DYNC2I1: variants seen among roughly 807,000 people sequenced by gnomAD.
DYNC2I1 encodes the protein dynein 2 intermediate chain 1.
A neutral mutation model predicts 133.4 loss-of-function variants in DYNC2I1; 89 were observed. That is an observed-to-expected ratio of 0.67 (90% CI 0.56 to 0.80). The LOEUF (loss-of-function observed/expected upper bound fraction) is 0.80. Ranked by LOEUF, DYNC2I1 falls within the 30% of genes least tolerant of loss-of-function variation. DYNC2I1 has a pLI of 0.00. For missense variants in DYNC2I1, 1,291 were observed against 1,314.5 expected, an observed-to-expected ratio of 0.98 and a Z score of 0.28; for synonymous variants, 504 against 484.3, an observed-to-expected ratio of 1.04 and a Z score of -0.54.
intron 6 of DYNC2I1, among the ~76,000 whole-genome samples, chr7:158,886,480 C>T (rs1275011075): frequency 1.3e-5 from 2 of 152,226 alleles, no homozygotes; most frequent in African/African-American, 4.8e-5. Context: ...TTTGTTAAAA[C>T]ACATAATTTC....
At chr7:158,937,673 C>A (rs1027485750) in intron 23 of DYNC2I1, among the ~76,000 whole-genome samples, 13 of 147,704 alleles carry the variant, frequency 8.8e-5, no homozygotes, top group Non-Finnish European at 1.5e-4. Flanking sequence ...GCCTGTAATC[C>A]CAGCATTTGG....
intron 7 of DYNC2I1, among the ~76,000 whole-genome samples, chr7:158,890,433 G>A (rs895465521): frequency 3.9e-5 from 6 of 152,038 alleles, no homozygotes; most frequent in African/African-American, 1.4e-4. Context: ...TTTTACAGCA[G>A]CAACACTGAA....
At chr7:158,844,775 C>G in the DYNC2I1 span, among the ~76,000 whole-genome samples, 1 of 152,128 alleles carries the variant, frequency 6.6e-6, no homozygotes, top group Non-Finnish European at 1.5e-5. Flanking sequence ...GCATGCACCA[C>G]CACACCCAGC....
Position 158,914,303 on chromosome 7 carries a change from T to C in DYNC2I1, c.1773T>C (p.Phe591=). ...PKIDTPRLCS[F]LRAACQVMAV... is the part of the protein sequence containing the mutation. ...TTGATACTCCAAGGTTATGTAGCTT[T>C]CTGCGGGCTGCTTGTCAGGTATACT... Residue 591 remains phenylalanine (F), a synonymous_variant, in exon 14 of 25, where the codon TTT becomes TTC. Coordinates refer to ENST00000407559, the MANE Select transcript of DYNC2I1 (RefSeq NM_018051.5). The C allele has an allele frequency of 6.2e-7, 1 of 1,612,082 alleles. No homozygotes were observed. The highest frequency in any genetic ancestry group is 8.5e-7 in the Non-Finnish European group (1 of 1,178,992).
intron 23 of DYNC2I1, 68 bp downstream of exon 23, chr7:158,934,617 G>T: frequency 6.8e-7 from 1 of 1,474,360 alleles, no homozygotes; most frequent in Non-Finnish European, 9.1e-7. Flanking sequence ...GTCTTGCTCT[G>T]TCACCCAAGC....
chr7:158,907,615 G>A (rs530810541), intron 11 of DYNC2I1, among the ~76,000 whole-genome samples: 5 of 140,740 alleles, frequency 3.6e-5, no homozygotes, highest in Non-Finnish European at 6.1e-5. Flanking sequence ...TTTCTTTTAC[G>A]TCTTCTGCTT....
downstream of DYNC2I1, among the ~76,000 whole-genome samples, chr7:158,949,958 A>G (rs1852005997): frequency 6.6e-6 from 1 of 151,790 alleles, no homozygotes; most frequent in African/African-American, 2.4e-5. Flanking sequence ...TTTAGTAGAG[A>G]TGGGGTTTCT....
intron 17 of DYNC2I1, among the ~76,000 whole-genome samples, chr7:158,924,008 T>G (rs1358457080): frequency 6.6e-6 from 1 of 152,236 alleles, no homozygotes; most frequent in African/African-American, 2.4e-5. Context: ...TTAAAGTAGC[T>G]TGAGGCATCT....
chr7:158,919,825 T>C (rs1194396903), intron 15 of DYNC2I1, among the ~76,000 whole-genome samples: 1 of 152,222 alleles, frequency 6.6e-6, no homozygotes, highest in Non-Finnish European at 1.5e-5. Flanking sequence ...ATTCAACACA[T>C]TGGCATCCAC....
At chr7:158,926,551 C>T (rs1002972209) in intron 19 of DYNC2I1, 88 bp downstream of exon 19, 3 of 1,416,546 alleles carry the variant, frequency 2.1e-6, no homozygotes, top group Non-Finnish European at 9.8e-7. Context: ...GGGGGCGGGA[C>T]CCAGTTAGCT....
chr7:158,879,453 A>G (rs1164957000), intron 4 of DYNC2I1, among the ~76,000 whole-genome samples: 1 of 152,166 alleles, frequency 6.6e-6, no homozygotes, highest in African/African-American at 2.4e-5. Flanking sequence ...AATCGTCTCT[A>G]TATTACTTAA....
Position 158,914,250 on chromosome 7 carries a change from A to G in DYNC2I1, c.1720A>G (p.Thr574Ala), listed in dbSNP as rs758163316. 2 of 1,611,552 alleles carry G rather than the reference A, an allele frequency of 1.2e-6. No individual in the cohort carries two copies. The highest frequency in any genetic ancestry group is 8.5e-7 in the Non-Finnish European group (1 of 1,178,864). ...TTTTTTAGGCAGTGAACAAAGAGAT[A>G]CCTCTGATGCTGTAGTTATGCCAAA... ...VVSGGSEQRD[T>A]SDAVVMPKID... Residue 574 changes from threonine to alanine, a missense_variant, in exon 14 of 25, where the codon ACC becomes GCC. By Grantham distance (58) the Thr-to-Ala change is moderately conservative. Coordinates refer to ENST00000407559, the MANE Select transcript of DYNC2I1 (RefSeq NM_018051.5).
At chr7:158,855,559 C>T (rs888926536), upstream of DYNC2I1, among the ~76,000 whole-genome samples, 4 of 152,168 alleles carry the variant, frequency 2.6e-5, no homozygotes, top group Non-Finnish European at 2.9e-5. Context: ...AGAAGGCCTG[C>T]TTTGGGAAAG....
intron 8 of DYNC2I1, among the ~76,000 whole-genome samples, chr7:158,892,334 T>C (rs571995690): frequency 2.6e-5 from 4 of 152,356 alleles, no homozygotes; most frequent in Admixed American, 2.0e-4. Flanking sequence ...AAATGTAGTA[T>C]ATGTTATTTA....
chr7:158,886,702 C>G (rs1236391317), intron 6 of DYNC2I1, among the ~76,000 whole-genome samples: 1 of 151,958 alleles, frequency 6.6e-6, no homozygotes, highest in African/African-American at 2.4e-5. Context: ...CTCCTGGGCT[C>G]AAGCAAACCT....
chr7:158,849,102 C>G, the DYNC2I1 span, among the ~76,000 whole-genome samples: 6 of 152,162 alleles, frequency 3.9e-5, no homozygotes, highest in African/African-American at 1.4e-4. Context: ...TGACAAAAGG[C>G]CTGAGTCCCT....
chr7:158,864,821 T>A (rs1255121186), intron 1 of DYNC2I1, among the ~76,000 whole-genome samples: 1 of 152,244 alleles, frequency 6.6e-6, no homozygotes, highest in Non-Finnish European at 1.5e-5. Flanking sequence ...TAACTTCTTT[T>A]AAACATTTCT....
rs1843817580 is a variant in DYNC2I1 at position 158,879,820 on chromosome 7, G to C, written c.710G>C (p.Arg237Thr). ...HREKSSTREK[R>T]EKYSKEKSNS... Reference sequence around the variant, plus strand: ...GAAAAAAGCAGCACAAGGGAAAAAAGAGAGAAATATTCCAAAGAGAAAAGT... The same window carrying C: ...GAAAAAAGCAGCACAAGGGAAAAAACAGAGAAATATTCCAAAGAGAAAAGT... Residue 237 changes from arginine to threonine, a missense_variant, in exon 5 of 25, where the codon AGA becomes ACA. Physicochemically the swap from Arg to Thr is moderately conservative, Grantham distance 71. Coordinates refer to ENST00000407559, the MANE Select transcript of DYNC2I1 (RefSeq NM_018051.5). 1 of 1,612,798 alleles carries C rather than the reference G, an allele frequency of 6.2e-7. No homozygotes were observed. The highest frequency in any genetic ancestry group is 2.2e-5 in the East Asian group (1 of 44,858).
At chr7:158,894,671 G>A (rs1845601116) in intron 8 of DYNC2I1, among the ~76,000 whole-genome samples, 1 of 152,224 alleles carries the variant, frequency 6.6e-6, no homozygotes, top group South Asian at 2.1e-4. Context: ...GCAGGTTTTT[G>A]TGTGAACAAG....
Sources: allele counts gnomAD v4.1 joint callset (sites outside exome capture counted in the v4.1 genomes callset), GRCh38; gene constraint gnomAD v4.1.1; transcripts MANE v1.5; gene names NCBI Gene and HGNC (gene_info 2026-07-23, HGNC 2026-07-21).